The following NUBPL variants were observed in gnomAD, a reference collection of about 807,000 sequenced individuals.
NUBPL encodes iron-sulfur cluster transfer protein NUBPL.
Under a neutral mutation model 45.7 loss-of-function variants are expected in NUBPL, and 31 were observed. The observed-to-expected ratio is 0.68, with a 90% CI of 0.51 to 0.92. The LOEUF is 0.92. Ranked by LOEUF, NUBPL falls within the 40% of genes least tolerant of loss-of-function variation. The probability of loss-of-function intolerance (pLI) is 0.00; values close to 1 mark genes in which losing one functional copy is unlikely to be tolerated. For synonymous variants in NUBPL, 144 were observed against 140.9 expected, an observed-to-expected ratio of 1.02 and a Z score of -0.15; for missense variants, 401 against 398.7, an observed-to-expected ratio of 1.01 and a Z score of -0.05.
intron 3 of NUBPL, among the ~76,000 whole-genome samples, chr14:31,569,474 G>GA: frequency 6.6e-6 from 1 of 152,106 alleles, no homozygotes; most frequent in South Asian, 2.1e-4. Flanking sequence ...TGGAGTTACA[G>GA]GTGTGAGCCA....
chr14:31,686,966 C>T (rs774248532), intron 6 of NUBPL, among the ~76,000 whole-genome samples: 3 of 152,166 alleles, frequency 2.0e-5, no homozygotes, highest in Non-Finnish European at 4.4e-5. Context: ...AAATAAAAAA[C>T]AGCTGGGCAT....
rs193095200 is a variant in NUBPL, at chr14:31,676,029, T to G, written c.513+2455T>G. On this transcript the variant is annotated intron_variant, in intron 6 of 10. Coordinates refer to ENST00000281081, the MANE Select transcript of NUBPL (RefSeq NM_025152.3). ...AATAGGATTATACAGGATGTAGCTT[T>G]TTTTTTTTTTGAGACAGAGTTTAGC... is the stretch of plus-strand genomic sequence containing the variant. Among the ~76,000 whole-genome samples, 917 of 151,746 alleles carry G rather than the reference T, an allele frequency of 6.0e-3. 10 individuals carry two copies. The highest frequency in any genetic ancestry group is 0.021 in the African/African-American group (859 of 41,492).
intron 4 of NUBPL, among the ~76,000 whole-genome samples, chr14:31,667,054 A>G (rs988086376): frequency 3.3e-5 from 5 of 152,004 alleles, no homozygotes; most frequent in Non-Finnish European, 7.4e-5. Flanking sequence ...CTCGAGGATT[A>G]TCTTAGTAGT....
intron 6 of NUBPL, among the ~76,000 whole-genome samples, chr14:31,714,041 C>T (rs1566518442): frequency 1.3e-5 from 2 of 152,154 alleles, no homozygotes; most frequent in Non-Finnish European, 2.9e-5. Flanking sequence ...CTCTTTACTG[C>T]TTAAAAGTAG....
At chr14:31,831,537 C>G (rs1352031216) in intron 8 of NUBPL, among the ~76,000 whole-genome samples, 1 of 147,004 alleles carries the variant, frequency 6.8e-6, no homozygotes, top group Non-Finnish European at 1.5e-5. Flanking sequence ...ACTATAAGCT[C>G]TATGACCACC....
intron 7 of NUBPL, among the ~76,000 whole-genome samples, chr14:31,810,285 A>G (rs2039775148): frequency 6.6e-6 from 1 of 152,132 alleles, no homozygotes; most frequent in African/African-American, 2.4e-5. Context: ...GGCTTGCTTT[A>G]TGAATCTGGG....
intron 6 of NUBPL, among the ~76,000 whole-genome samples, chr14:31,781,170 A>G (rs2039185590): frequency 1.3e-5 from 2 of 152,238 alleles, no homozygotes; most frequent in South Asian, 4.1e-4. Flanking sequence ...TCACTGCCAA[A>G]TAGTAGTTAC....
At chr14:31,725,774 A>G (rs998498075) in intron 6 of NUBPL, among the ~76,000 whole-genome samples, 4 of 136,790 alleles carry the variant, frequency 2.9e-5, no homozygotes, top group African/African-American at 8.4e-5. Context: ...GAGTGGTGCA[A>G]TCTTGGCTCA....
chr14:31,574,076 C>G lies in NUBPL; in HGVS notation c.291+9028C>G, dbSNP rs184010738. 4.6e-5 allele frequency among the ~76,000 whole-genome samples: 7 copies of G among 152,180 alleles called. No homozygotes were observed. In the East Asian group the frequency reaches 1.3e-3, roughly 29 times the overall value. On this transcript the variant is annotated intron_variant, in intron 3 of 10. Transcript: ENST00000281081. ...TGGATAAGGTGCCTATAGTTTTGTT[C>G]AATACATATTATGCTTTATTTTTCA...
At chr14:31,642,416 T>C (rs2120140) in intron 4 of NUBPL, among the ~76,000 whole-genome samples, 84,973 of 151,982 alleles carry the variant, frequency 0.56, 26,345 homozygotes, top group African/African-American at 0.85. Context: ...CCTAGTTTTC[T>C]GAGCGCTGTT....
intron 4 of NUBPL, among the ~76,000 whole-genome samples, chr14:31,631,822 C>G (rs571709558): frequency 6.6e-6 from 1 of 151,994 alleles, no homozygotes; most frequent in Non-Finnish European, 1.5e-5. Context: ...CACATGAAGG[C>G]GGGCAACCTG....
At chr14:31,726,173 C>G (rs1441368367) in intron 6 of NUBPL, among the ~76,000 whole-genome samples, 1 of 152,046 alleles carries the variant, frequency 6.6e-6, no homozygotes, top group East Asian at 1.9e-4. Flanking sequence ...TAATTAATGG[C>G]CTAAAGTCAT....
At chr14:31,576,382 C>T (rs950553162) in intron 3 of NUBPL, among the ~76,000 whole-genome samples, 3 of 152,144 alleles carry the variant, frequency 2.0e-5, no homozygotes, top group Non-Finnish European at 4.4e-5. Context: ...CTGGTTCAGC[C>T]TCCTGAGTAG....
At chr14:31,836,285 A>C (rs1355490509) in intron 8 of NUBPL, among the ~76,000 whole-genome samples, 2 of 152,164 alleles carry the variant, frequency 1.3e-5, no homozygotes, top group African/African-American at 4.8e-5. Context: ...TCTTTCAGTA[A>C]AAGTAGCTGA....
At chr14:31,762,422 G>A (rs748454375) in intron 6 of NUBPL, among the ~76,000 whole-genome samples, 3 of 152,064 alleles carry the variant, frequency 2.0e-5, no homozygotes, top group East Asian at 1.9e-4. Context: ...TCACTTTGAT[G>A]GTCATCACTA....
chr14:31,602,412 A>AG (rs2034465591), intron 4 of NUBPL, among the ~76,000 whole-genome samples: 1 of 151,490 alleles, frequency 6.6e-6, no homozygotes, highest in African/African-American at 2.4e-5. Flanking sequence ...AAAGAAAAAA[A>AG]AAGCAGACAT....
At chr14:31,617,910 C>T (rs2034952517) in intron 4 of NUBPL, among the ~76,000 whole-genome samples, 2 of 151,874 alleles carry the variant, frequency 1.3e-5, no homozygotes. Context: ...TGGGTCTGGA[C>T]TTTTTTTTGT....
intron 6 of NUBPL, among the ~76,000 whole-genome samples, chr14:31,773,182 C>G (rs538874220): frequency 5.3e-5 from 8 of 152,026 alleles, no homozygotes; most frequent in African/African-American, 1.9e-4. Flanking sequence ...TTCTTGCAAT[C>G]AAAATAAAAT....
At chr14:31,760,792 C>G (rs1380405157) in intron 6 of NUBPL, among the ~76,000 whole-genome samples, 2 of 152,006 alleles carry the variant, frequency 1.3e-5, no homozygotes, top group Admixed American at 6.6e-5. Context: ...ACAGTATTGC[C>G]TATTTACCAG....
Sources: allele counts gnomAD v4.1 joint callset (sites outside exome capture counted in the v4.1 genomes callset), GRCh38; gene constraint gnomAD v4.1.1; transcripts MANE v1.5; gene names NCBI Gene and HGNC (gene_info 2026-07-23, HGNC 2026-07-21).